Variants in CTDSPL observed in about 807,000 individuals in gnomAD.
CTDSPL encodes CTD small phosphatase like.
Under a neutral mutation model 30.5 loss-of-function variants are expected in CTDSPL, and 8 were observed. The ratio of observed to expected loss-of-function variants is 0.26; its 90% confidence interval spans 0.15 to 0.47. The LOEUF (loss-of-function observed/expected upper bound fraction) is 0.47, where lower values mean the gene tolerates loss of function less well. CTDSPL is among the 20% of genes least tolerant of loss of function. The pLI is 0.99. For synonymous variants in CTDSPL, 110 were observed against 137.9 expected, an observed-to-expected ratio of 0.80 and a Z score of 1.42; for missense variants, 248 against 366.1, an observed-to-expected ratio of 0.68 and a Z score of 2.63.
intron 1 of CTDSPL, among the ~76,000 whole-genome samples, chr3:37,909,353 C>T (rs1166791954): frequency 1.3e-5 from 2 of 152,170 alleles, no homozygotes; most frequent in Non-Finnish European, 2.9e-5. Context: ...TAGCAGATGC[C>T]CAATAAACCT....
chr3:37,947,071 G>C lies in CTDSPL; in HGVS notation c.94G>C (p.Val32Leu). The change falls in exon 2 of 8, where the codon GTC becomes CTC. Residue 32 changes from valine to leucine, a missense_variant. Val to Leu is a conservative substitution (Grantham distance 32). Transcript: ENST00000273179. Reference protein sequence around the residue: ...GAGEKASQCNVSLKKQRSRSI... With the variant: ...GAGEKASQCNLSLKKQRSRSI... ...TCTGTTTCCAGCCTCCCAGTGCAACGTCAGCTTAAAGAAGCAGAGGAGCCG... is the reference window on the plus strand; with the variant it reads ...TCTGTTTCCAGCCTCCCAGTGCAACCTCAGCTTAAAGAAGCAGAGGAGCCG... 6.2e-7 allele frequency: 1 copy of C among 1,613,598 alleles called. No homozygotes were observed.
At chr3:37,873,575 CA>C (rs959077141) in intron 1 of CTDSPL, among the ~76,000 whole-genome samples, 1 of 152,136 alleles carries the variant, frequency 6.6e-6, no homozygotes, top group Non-Finnish European at 1.5e-5. Flanking sequence ...CCAGGATTTT[CA>C]GTTGTACTTA....
At chr3:37,976,599 T>G (rs976837943) in intron 7 of CTDSPL, among the ~76,000 whole-genome samples, 1 of 143,914 alleles carries the variant, frequency 6.9e-6, no homozygotes, top group African/African-American at 2.6e-5. Context: ...ACCACTTCAC[T>G]CCAGCCTGGC....
intron 1 of CTDSPL, among the ~76,000 whole-genome samples, chr3:37,865,288 A>G (rs1386952823): frequency 1.3e-5 from 2 of 152,264 alleles, no homozygotes; most frequent in Non-Finnish European, 2.9e-5. Context: ...GTCCAACAGT[A>G]CAGTAGAAAA....
In CTDSPL at chr3:37,862,507, C is replaced by T. The variant is rs979579964; in HGVS notation, c.79+229C>T. Among the ~76,000 whole-genome samples the T allele has an allele frequency of 2.0e-5, 3 of 152,052 alleles. No individual in the cohort carries two copies. The highest frequency in any genetic ancestry group is 7.2e-5 in the African/African-American group (3 of 41,408). On this transcript the variant is annotated intron_variant, in intron 1 of 7. Coordinates refer to ENST00000273179, the MANE Select transcript of CTDSPL (RefSeq NM_001008392.2). The surrounding 1 kb of genome is among the most constrained non-coding windows in gnomAD (Gnocchi z 4.3). Reference sequence around the variant, plus strand: ...GAGAGACTGGGAGCGAGTGTGTGTGCATCTAACCGGGAGGTTGTGAGTTTG... The same window carrying T: ...GAGAGACTGGGAGCGAGTGTGTGTGTATCTAACCGGGAGGTTGTGAGTTTG...
rs1299580889 is a variant in CTDSPL at position 37,975,452 on chromosome 3, T to C, written c.520-257T>C. On this transcript the variant is annotated intron_variant, in intron 6 of 7. Coordinates refer to ENST00000273179, the MANE Select transcript of CTDSPL (RefSeq NM_001008392.2). This position sits in a 1 kb window ranked among gnomAD's most constrained non-coding sequence, Gnocchi z 4.9. ...GATTCGAGGCCCAGGCTAAGGGTGGTGGCAATATAAATAGATGCAAATGGA... is the reference window on the plus strand; with the variant it reads ...GATTCGAGGCCCAGGCTAAGGGTGGCGGCAATATAAATAGATGCAAATGGA... 2.0e-5 allele frequency among the ~76,000 whole-genome samples: 3 copies of C among 152,144 alleles called. No individual in the cohort carries two copies. Among genetic ancestry groups the C allele is most frequent in the Non-Finnish European group, 2.9e-5 (2 of 68,026 alleles).
At chr3:37,967,451 C>T (rs1362034093) in intron 4 of CTDSPL, among the ~76,000 whole-genome samples, 1 of 152,210 alleles carries the variant, frequency 6.6e-6, no homozygotes, top group Non-Finnish European at 1.5e-5. Context: ...GCACTGTCCT[C>T]GGAGCCCATT....
chr3:37,977,165 T>G (rs1699438251), intron 7 of CTDSPL, among the ~76,000 whole-genome samples: 1 of 152,252 alleles, frequency 6.6e-6, no homozygotes, highest in African/African-American at 2.4e-5. Context: ...TTTGGTAACG[T>G]GTCTCTAACA....
chr3:37,917,027 A>G (rs1019068777), intron 1 of CTDSPL, among the ~76,000 whole-genome samples: 1 of 152,194 alleles, frequency 6.6e-6, no homozygotes, highest in African/African-American at 2.4e-5. Context: ...CTAGTGTCGT[A>G]GGTATAAGGA....
chr3:37,966,739 GT>G, intron 4 of CTDSPL, among the ~76,000 whole-genome samples: 1 of 151,968 alleles, frequency 6.6e-6, no homozygotes, highest in Admixed American at 6.5e-5. Context: ...TTGTTTTTTA[GT>G]TTATATATCA....
At chr3:37,970,428 G>A (rs1170001332) in intron 5 of CTDSPL, among the ~76,000 whole-genome samples, 2 of 152,222 alleles carry the variant, frequency 1.3e-5, no homozygotes, top group African/African-American at 2.4e-5. Flanking sequence ...ATCAGGCTGA[G>A]CTCAGAGCTG....
chr3:37,941,883 G>A (rs1698983010), intron 1 of CTDSPL, among the ~76,000 whole-genome samples: 1 of 150,164 alleles, frequency 6.7e-6, no homozygotes, highest in African/African-American at 2.4e-5. Context: ...CCTTTCTGAT[G>A]TACAGCTTGA....
intron 1 of CTDSPL, among the ~76,000 whole-genome samples, chr3:37,909,513 C>T (rs1353813911): frequency 1.3e-5 from 2 of 152,240 alleles, no homozygotes; most frequent in Non-Finnish European, 2.9e-5. Context: ...AGGCAGGAGG[C>T]CCAGGGACAT....
At chr3:37,967,327 C>T (rs900560371) in intron 4 of CTDSPL, among the ~76,000 whole-genome samples, 2 of 152,270 alleles carry the variant, frequency 1.3e-5, no homozygotes, top group Non-Finnish European at 2.9e-5. Flanking sequence ...GACTTTACCC[C>T]CACATGGCCT....
At chr3:37,883,637 C>CT (rs1698232706) in intron 1 of CTDSPL, among the ~76,000 whole-genome samples, 1 of 152,192 alleles carries the variant, frequency 6.6e-6, no homozygotes, top group Admixed American at 6.5e-5. Flanking sequence ...ATTTTATTCT[C>CT]TGGCAGAATT....
chr3:37,934,290 C>T (rs1257139663), intron 1 of CTDSPL, among the ~76,000 whole-genome samples: 1 of 151,254 alleles, frequency 6.6e-6, no homozygotes, highest in African/African-American at 2.4e-5. Context: ...TTGCACCACA[C>T]ACTCCAGCCT....
chr3:37,954,338 G>C (rs1333907821), intron 2 of CTDSPL: 2 of 152,190 alleles, frequency 1.3e-5, no homozygotes, highest in African/African-American at 4.8e-5. Flanking sequence ...AATCCAAAGT[G>C]GGGTGATACG....
In CTDSPL at chr3:37,862,479, G is replaced by T. The variant is rs1387018662; in HGVS notation, c.79+201G>T. Reference sequence around the variant, plus strand: ...AGCCAGTGTGAGTGTGCAGGGGCTGGCGGAGAGACTGGGAGCGAGTGTGTG... The same window carrying T: ...AGCCAGTGTGAGTGTGCAGGGGCTGTCGGAGAGACTGGGAGCGAGTGTGTG... On this transcript the variant is annotated intron_variant, in intron 1 of 7. Transcript: ENST00000273179. The surrounding 1 kb of genome is among the most constrained non-coding windows in gnomAD (Gnocchi z 4.3). Among the ~76,000 whole-genome samples the T allele has an allele frequency of 1.3e-5, 2 of 152,184 alleles. No homozygotes were observed. The highest frequency in any genetic ancestry group is 4.8e-5 in the African/African-American group (2 of 41,456).
intron 1 of CTDSPL, among the ~76,000 whole-genome samples, chr3:37,888,651 A>G (rs75287753): frequency 0.044 from 6,657 of 152,354 alleles, 206 homozygotes; most frequent in Non-Finnish European, 0.06. Flanking sequence ...ACTGGTTTAC[A>G]TAGATTGCGT....
Sources: allele counts gnomAD v4.1 joint callset (sites outside exome capture counted in the v4.1 genomes callset), GRCh38; gene constraint gnomAD v4.1.1; non-coding constraint Gnocchi (gnomAD v3.1); transcripts MANE v1.5; gene names NCBI Gene and HGNC (gene_info 2026-07-23, HGNC 2026-07-21).